The following EDNRB variants were observed in gnomAD, a reference collection of about 807,000 sequenced individuals.
EDNRB encodes Hirschsprung disease 2.
In EDNRB, 18 loss-of-function variants were observed where a neutral mutation model predicts 46.4. The ratio of observed to expected loss-of-function variants is 0.39; its 90% CI spans 0.27 to 0.57. The LOEUF is 0.57. Among genes scored for constraint, EDNRB ranks in the 20% least tolerant of loss-of-function variants. EDNRB has a pLI of 0.61. For synonymous variants in EDNRB, 213 were observed against 204.9 expected (o/e 1.04, Z -0.34); for missense variants, 434 against 537.5 (o/e 0.81, Z 1.90).
chr13:77,959,137 A>G (rs932026800), intron 1 of EDNRB, among the ~76,000 whole-genome samples: 4 of 152,166 alleles, frequency 2.6e-5, no homozygotes, highest in African/African-American at 4.8e-5. Flanking sequence ...ATCCTTCATC[A>G]TTACTTGAAC....
At chr13:77,952,537 A>T (rs1445855845) in intron 1 of EDNRB, among the ~76,000 whole-genome samples, 1 of 152,186 alleles carries the variant, frequency 6.6e-6, no homozygotes, top group Non-Finnish European at 1.5e-5. Flanking sequence ...CTCATTCAAA[A>T]TGGAGTTGCT....
chr13:77,897,212 C>G lies in EDNRB; in HGVS notation c.*988G>C. On this transcript the variant is annotated 3_prime_UTR_variant, in exon 7 of 7. Transcript: ENST00000646607. ...TCTCTCCATCGTAAAGCTATGAGCA[C>G]AGGGCCTGCCCTCATTTAATCATCT... The G allele has an allele frequency of 1.0e-6, 1 of 985,324 alleles. No individual in the cohort carries two copies. The highest frequency in any genetic ancestry group is 1.2e-6 in the Non-Finnish European group (1 of 829,932). 61.0% of individuals were successfully genotyped at this position (985,324 alleles called of 1,614,324 possible).
intron 1 of EDNRB, among the ~76,000 whole-genome samples, chr13:77,968,056 G>C (rs192762669): frequency 9.7e-4 from 147 of 152,128 alleles, no homozygotes; most frequent in African/African-American, 3.4e-3. Context: ...ACTGAACTCT[G>C]ACAAAAGATT....
chr13:77,931,354 C>A (rs900437731), intron 1 of EDNRB, among the ~76,000 whole-genome samples: 6 of 151,966 alleles, frequency 3.9e-5, no homozygotes, highest in Non-Finnish European at 1.5e-5. Flanking sequence ...TTTGAATAAA[C>A]CTGCTTATAA....
chr13:77,958,672 C>A (rs900488009), intron 1 of EDNRB, among the ~76,000 whole-genome samples: 1 of 152,188 alleles, frequency 6.6e-6, no homozygotes, highest in South Asian at 2.1e-4. Context: ...CTGCCCCCAG[C>A]CCCCAGGTTA....
chr13:77,954,649 T>C (rs918008054), intron 1 of EDNRB, among the ~76,000 whole-genome samples: 11 of 151,862 alleles, frequency 7.2e-5, no homozygotes, highest in Non-Finnish European at 1.3e-4. Context: ...TGGGACTACA[T>C]GCATGTGCCA....
At chr13:77,949,669 T>A (rs1178061706) in intron 1 of EDNRB, among the ~76,000 whole-genome samples, 1 of 152,070 alleles carries the variant, frequency 6.6e-6, no homozygotes, top group Admixed American at 6.6e-5. Flanking sequence ...ATGCTTGAAG[T>A]CTTGAAGGCC....
chr13:77,939,351 TG>T (rs1880666599), intron 1 of EDNRB: 1 of 152,298 alleles, frequency 6.6e-6, no homozygotes, highest in African/African-American at 2.4e-5. Context: ...GGGGATATGA[TG>T]GCTTAGCTTG....
In EDNRB at chr13:77,897,159, C is replaced by T. The variant is rs1878673073; in HGVS notation, c.*1041G>A. 6 of 985,436 alleles carry T rather than the reference C, an allele frequency of 6.1e-6. 1 individual carries two copies. Among genetic ancestry groups the T allele is most frequent in the Middle Eastern group, 1.0e-3 (2 of 1,914 alleles). 61.0% of individuals were successfully genotyped at this position (985,436 alleles called of 1,614,324 possible). The stretch of plus-strand genomic sequence containing the variant: ...CATGTGGACACTGCACCAGGCAGTT[C>T]ACAGTCTTTATTATGAGGTCACTGG... On this transcript the variant is annotated 3_prime_UTR_variant, in exon 7 of 7. Coordinates refer to ENST00000646607, the MANE Select transcript of EDNRB (RefSeq NM_001122659.3).
intron 1 of EDNRB, among the ~76,000 whole-genome samples, chr13:77,928,678 T>C (rs1297715062): frequency 2.0e-5 from 3 of 152,138 alleles, no homozygotes; most frequent in African/African-American, 4.8e-5. Context: ...ATTCCAGACA[T>C]AACACAGCTT....
In EDNRB at chr13:77,964,388, T is replaced by A. The variant is rs920638556; in HGVS notation, c.-52+10959A>T. Among the ~76,000 whole-genome samples the A allele has an allele frequency of 5.9e-5, 9 of 152,162 alleles. No individual in the cohort carries two copies. The South Asian group carries it at 6.2e-4, about 11-fold the overall frequency. On this transcript the variant is annotated intron_variant, in intron 1 of 7. Transcript: ENST00000646948. ...CACTTGGAACCAACCCAAATGTCCA[T>A]CAATGATAGACTGGATTGAGAAAAT...
chr13:77,899,789 A>C, intron 6 of EDNRB, 70 bp downstream of exon 6: 1 of 1,128,614 alleles, frequency 8.9e-7, no homozygotes, highest in Non-Finnish European at 1.3e-6. Flanking sequence ...GGATAGATAT[A>C]TTAGCAGTTT....
chr13:77,922,821 C>A (rs1228006930), upstream of EDNRB, among the ~76,000 whole-genome samples: 1 of 152,154 alleles, frequency 6.6e-6, no homozygotes, highest in Non-Finnish European at 1.5e-5. Context: ...TCCTGTGACC[C>A]ATACCTAAGG....
chr13:77,919,876 G>A (rs1880023528), upstream of EDNRB: 2 of 343,056 alleles, frequency 5.8e-6, no homozygotes, highest in Admixed American at 8.8e-5. Context: ...TGCACTGAAC[G>A]TGATAATTGA....
chr13:77,910,261 C>A (rs9574119), intron 1 of EDNRB, among the ~76,000 whole-genome samples: 2 of 151,918 alleles, frequency 1.3e-5, no homozygotes, highest in Non-Finnish European at 2.9e-5. Context: ...AAGTTGTGAA[C>A]GTTTCTTTAA....
At chr13:77,961,387 A>AGGAAGAAGTTAAATCC (rs1881407354) in intron 1 of EDNRB, among the ~76,000 whole-genome samples, 2 of 152,064 alleles carry the variant, frequency 1.3e-5, no homozygotes, top group African/African-American at 4.8e-5. Flanking sequence ...GAAGTAAAGC[A>AGGAAGAAGTTAAATCC]CTCCTCGGCA....
At chr13:77,900,997 A>C (rs779353193) in intron 4 of EDNRB, 61 bp downstream of exon 4, 27 of 1,580,744 alleles carry the variant, frequency 1.7e-5, no homozygotes, top group Non-Finnish European at 2.2e-5. Context: ...TCATCATCAT[A>C]ATTTTCATAT....
chr13:77,906,363 A>C (rs1369184280), intron 1 of EDNRB, among the ~76,000 whole-genome samples: 3 of 152,030 alleles, frequency 2.0e-5, no homozygotes, highest in Non-Finnish European at 4.4e-5. Context: ...TTATTCAGAC[A>C]ATATTCTGCT....
At chr13:77,970,791 A>G (rs768544036) in intron 1 of EDNRB, among the ~76,000 whole-genome samples, 2 of 152,056 alleles carry the variant, frequency 1.3e-5, no homozygotes, top group Non-Finnish European at 2.9e-5. Context: ...GGGTTCCAGT[A>G]CACTTATAAT....
Sources: gnomAD v4.1 joint callset for allele counts (sites outside exome capture counted in the v4.1 genomes callset) on GRCh38, gnomAD v4.1.1 for gene constraint, MANE v1.5 for transcripts, NCBI Gene and HGNC (gene_info 2026-07-23, HGNC 2026-07-21) for gene names.